The following SRGAP2 variants were observed in gnomAD, a reference collection of about 807,000 sequenced individuals.
The protein encoded by SRGAP2 is SLIT-ROBO Rho GTPase-activating protein 2.
SRGAP2 carries 15 observed loss-of-function variants against 57.2 expected under a neutral mutation model. The ratio of observed to expected loss-of-function variants is 0.26; its 90% CI spans 0.18 to 0.40. SRGAP2 has a LOEUF of 0.40. Ranked by LOEUF, SRGAP2 falls within the 10% of genes least tolerant of loss-of-function variation. The probability of loss-of-function intolerance (pLI) is 1.00; values close to 1 mark genes in which losing one functional copy is unlikely to be tolerated. For missense variants in SRGAP2, 520 were observed against 669.6 expected (o/e 0.78, Z 2.47); for synonymous variants, 249 against 248.0 (o/e 1.00, Z -0.04).
intron 2 of SRGAP2, among the ~76,000 whole-genome samples, chr1:206,230,709 C>T (rs1358998852): frequency 7.0e-6 from 1 of 142,812 alleles, no homozygotes; most frequent in African/African-American, 2.6e-5. Context: ...TCACTGCAAC[C>T]TCCACCTCCC....
intron 2 of SRGAP2, among the ~76,000 whole-genome samples, chr1:206,285,201 GC>G (rs1670949759): frequency 6.7e-6 from 1 of 149,564 alleles, no homozygotes; most frequent in Admixed American, 6.7e-5. Context: ...GTTCCATGAT[GC>G]CAGATTAGTA....
At chr1:206,324,199 TC>T (rs1319896099) in intron 3 of SRGAP2, among the ~76,000 whole-genome samples, 1 of 130,560 alleles carries the variant, frequency 7.7e-6, no homozygotes, top group Non-Finnish European at 1.6e-5. Flanking sequence ...CCCCAACTCT[TC>T]CATTTCTCTT....
intron 2 of SRGAP2, among the ~76,000 whole-genome samples, chr1:206,234,572 T>C (rs1344131006): frequency 1.8e-4 from 28 of 152,204 alleles, no homozygotes; most frequent in Non-Finnish European, 2.5e-4. Flanking sequence ...GGGCTTCCTG[T>C]GTTTTGTCTA....
chr1:206,389,732 GCTGT>G (rs1232131643), intron 5 of SRGAP2, among the ~76,000 whole-genome samples: 1 of 150,736 alleles, frequency 6.6e-6, no homozygotes, highest in Non-Finnish European at 1.5e-5. Flanking sequence ...TTTTAGTGTG[GCTGT>G]CAGAGGGAGC....
intron 1 of SRGAP2, chr1:206,204,900 C>A (rs1449542928): frequency 1.7e-5 from 2 of 120,406 alleles, no homozygotes; most frequent in African/African-American, 4.6e-5. Context: ...CTTTTTCCTG[C>A]AGATTTGCCC....
At chr1:206,375,285 C>T (rs1208159004) in intron 4 of SRGAP2, among the ~76,000 whole-genome samples, 3 of 151,828 alleles carry the variant, frequency 2.0e-5, no homozygotes, top group Admixed American at 6.6e-5. Context: ...CCCTTATGTC[C>T]CAGTCTACTC....
At chr1:206,361,069 GAGAGA>G (rs1553340514) in intron 4 of SRGAP2, among the ~76,000 whole-genome samples, 2 of 76,318 alleles carry the variant, frequency 2.6e-5, no homozygotes, top group Non-Finnish European at 5.3e-5. Flanking sequence ...TAGCAAAGAA[GAGAGA>G]AGAACAAATT....
At chr1:206,332,932 T>G (rs1674479604) in intron 3 of SRGAP2, among the ~76,000 whole-genome samples, 1 of 151,994 alleles carries the variant, frequency 6.6e-6, no homozygotes, top group East Asian at 1.9e-4. Context: ...TTCCCCATCT[T>G]TGTGGTTTTC....
chr1:206,249,859 C>G (rs1156371894), intron 2 of SRGAP2, among the ~76,000 whole-genome samples: 1 of 148,478 alleles, frequency 6.7e-6, no homozygotes, highest in Non-Finnish European at 1.5e-5. Context: ...TCCTCCTTCA[C>G]TAAAACGTAA....
At chr1:206,218,210 G>T (rs1395255890) in intron 2 of SRGAP2, among the ~76,000 whole-genome samples, 1 of 151,702 alleles carries the variant, frequency 6.6e-6, no homozygotes, top group Non-Finnish European at 1.5e-5. Flanking sequence ...CTACTTGGGA[G>T]CCTGAGGCAG....
At position 206,431,800 on chromosome 1, in the gene SRGAP2, G is replaced by A. The variant is rs79272885; in HGVS notation, c.1555+1578G>A. 8.4e-3 allele frequency among the ~76,000 whole-genome samples: 1,286 copies of A among 152,330 alleles called. 23 individuals are homozygous for A. Among genetic ancestry groups the A allele is most frequent in the African/African-American group, 0.029 (1,225 of 41,568 alleles). On this transcript the variant is annotated intron_variant, in intron 14 of 22. Transcript: ENST00000573034. Reference sequence around the variant, plus strand: ...GGGAACACTGTTTGAAGCTGGTTCAGGGAAAAGGCCTCTCCTAAAGTGACA... The same window carrying A: ...GGGAACACTGTTTGAAGCTGGTTCAAGGAAAAGGCCTCTCCTAAAGTGACA...
At chr1:206,247,295 T>G (rs868963069) in intron 2 of SRGAP2, among the ~76,000 whole-genome samples, 2 of 152,014 alleles carry the variant, frequency 1.3e-5, no homozygotes, top group African/African-American at 4.8e-5. Context: ...TACTAAATGT[T>G]TATTAAACAC....
chr1:206,411,187 A>G (rs1187140384), intron 10 of SRGAP2, among the ~76,000 whole-genome samples: 3 of 152,122 alleles, frequency 2.0e-5, no homozygotes, highest in Non-Finnish European at 2.9e-5. Context: ...AGGGAGTTGG[A>G]GAATTAGGTT....
At chr1:206,388,323 A>G (rs1260323485) in intron 5 of SRGAP2, among the ~76,000 whole-genome samples, 21 of 152,188 alleles carry the variant, frequency 1.4e-4, no homozygotes, top group Non-Finnish European at 2.9e-5. Context: ...AAACAATGGC[A>G]CTTAATAGTC....
intron 12 of SRGAP2, among the ~76,000 whole-genome samples, chr1:206,420,428 T>C (rs1278714872): frequency 6.6e-6 from 1 of 152,204 alleles, no homozygotes; most frequent in Non-Finnish European, 1.5e-5. Flanking sequence ...TGAAAAGAGC[T>C]GAGTTGAATT....
chr1:206,249,717 A>G (rs542983897), intron 2 of SRGAP2, among the ~76,000 whole-genome samples: 3 of 152,130 alleles, frequency 2.0e-5, no homozygotes, highest in African/African-American at 7.2e-5. Context: ...CATTCTGCAC[A>G]TATATCCCAG....
intron 2 of SRGAP2, among the ~76,000 whole-genome samples, chr1:206,259,640 T>C (rs1669423200): frequency 6.6e-6 from 1 of 150,730 alleles, no homozygotes; most frequent in Admixed American, 6.6e-5. Flanking sequence ...TTTGCATTTA[T>C]CTAGTTGAGG....
intron 16 of SRGAP2, among the ~76,000 whole-genome samples, chr1:206,439,473 G>A (rs1553371160): frequency 6.6e-6 from 1 of 151,710 alleles, no homozygotes; most frequent in Non-Finnish European, 1.5e-5. Flanking sequence ...CTCTTGCACA[G>A]CCTCTCTTCC....
At chr1:206,401,219 C>T (rs1553355317) in intron 7 of SRGAP2, among the ~76,000 whole-genome samples, 1 of 152,164 alleles carries the variant, frequency 6.6e-6, no homozygotes, top group African/African-American at 2.4e-5. Flanking sequence ...CCTCACAGCC[C>T]TCTAGGGTGT....
Sources: gnomAD v4.1 joint callset for allele counts (sites outside exome capture counted in the v4.1 genomes callset) on GRCh38, gnomAD v4.1.1 for gene constraint, MANE v1.5 for transcripts, NCBI Gene and HGNC (gene_info 2026-07-23, HGNC 2026-07-21) for gene names.